Variants in CTSZ observed in about 807,000 individuals in gnomAD.
The protein encoded by CTSZ is cathepsin Z.
Under a neutral mutation model 32.4 loss-of-function variants are expected in CTSZ, and 39 were observed. That is an observed-to-expected ratio of 1.20 (90% confidence interval 0.93 to 1.57). The LOEUF is 1.57. Ranked by LOEUF, CTSZ falls within the 40% of genes most tolerant of loss-of-function variation. CTSZ has a pLI of 0.00. For missense variants in CTSZ, 397 were observed against 419.6 expected (o/e 0.95, Z 0.47); for synonymous variants, 168 against 170.1 (o/e 0.99, Z 0.10).
intron 5 of CTSZ, 40 bp from the exon 6 acceptor site, chr20:58,995,799 G>A (rs3787492): frequency 0.37 from 580,361 of 1,576,296 alleles, 109,933 homozygotes; most frequent in Non-Finnish European, 0.39. Context: ...ATCTGCAGCC[G>A]TCTCCCGCTC....
intron 1 of CTSZ, 59 bp from the exon 2 acceptor site, chr20:59,006,544 A>T (rs968302966): frequency 1.3e-6 from 2 of 1,544,702 alleles, no homozygotes; most frequent in African/African-American, 2.7e-5. Flanking sequence ...CCGTGGGCCC[A>T]GGAAGCCCTC....
chr20:58,999,155 C>T (rs919011434), intron 3 of CTSZ, among the ~76,000 whole-genome samples: 3 of 152,088 alleles, frequency 2.0e-5, no homozygotes, highest in Admixed American at 1.3e-4. Flanking sequence ...CCTGCCTTAG[C>T]CTCCTGAGTA....
chr20:59,006,243 G>A, intron 2 of CTSZ, 79 bp downstream of exon 2: 10 of 1,475,712 alleles, frequency 6.8e-6, no homozygotes, highest in Admixed American at 2.2e-5. Context: ...CCCTGGAACC[G>A]CGGGCTGAGC....
intron 3 of CTSZ, 54 bp downstream of exon 3, chr20:59,001,411 G>A: frequency 3.9e-6 from 6 of 1,550,266 alleles, no homozygotes; most frequent in Middle Eastern, 1.8e-4. Context: ...GAAGGCCTGT[G>A]GAAGAGGGAG....
intron 3 of CTSZ, among the ~76,000 whole-genome samples, chr20:58,998,502 C>T (rs528588245): frequency 6.0e-5 from 9 of 150,266 alleles, no homozygotes; most frequent in South Asian, 4.2e-4. Context: ...GCCAGGATCG[C>T]GCCATTGCAC....
intron 5 of CTSZ, among the ~76,000 whole-genome samples, chr20:58,996,186 C>G (rs1389101936): frequency 6.6e-6 from 1 of 152,194 alleles, no homozygotes; most frequent in South Asian, 2.1e-4. Flanking sequence ...TAATTTCTCT[C>G]TCCTGGATTT....
chr20:58,996,047 T>C (rs1173649667), intron 5 of CTSZ, among the ~76,000 whole-genome samples: 1 of 152,230 alleles, frequency 6.6e-6, no homozygotes, highest in Non-Finnish European at 1.5e-5. Flanking sequence ...CAGCTACTAC[T>C]ACCCCCATTA....
At chr20:58,999,629 G>A (rs1021734052) in intron 3 of CTSZ, among the ~76,000 whole-genome samples, 4 of 152,256 alleles carry the variant, frequency 2.6e-5, no homozygotes, top group Non-Finnish European at 5.9e-5. Context: ...GGTGCCCAGA[G>A]GACCTTCTGC....
At chr20:59,001,311 G>A (rs565382859) in intron 3 of CTSZ, among the ~76,000 whole-genome samples, 154 bp downstream of exon 3, 6 of 152,206 alleles carry the variant, frequency 3.9e-5, no homozygotes, top group East Asian at 1.9e-4. Flanking sequence ...GAGCACCAGC[G>A]CCCCTGGGGG....
chr20:58,996,184 C>A (rs894712773), intron 5 of CTSZ, among the ~76,000 whole-genome samples: 1 of 152,206 alleles, frequency 6.6e-6, no homozygotes, highest in Non-Finnish European at 1.5e-5. Flanking sequence ...GTTAATTTCT[C>A]TCTCCTGGAT....
chr20:58,997,517 T>C (rs2091866716), intron 4 of CTSZ, 86 bp downstream of exon 4: 2 of 1,343,474 alleles, frequency 1.5e-6, no homozygotes, highest in African/African-American at 1.5e-5. Context: ...TCACCGCGGA[T>C]CTCTCCTCAC....
rs534393348 is a variant in CTSZ at position 59,000,023 on chromosome 20, C to G, written c.487+1442G>C. Among the ~76,000 whole-genome samples the G allele has an allele frequency of 3.4e-5, 5 of 148,132 alleles. No individual in the cohort carries two copies. The South Asian group carries it at 8.6e-4, about 25-fold the overall frequency. Reference sequence around the variant, plus strand: ...GGCGGAGCTTGCAGTGAGCCGAGATCGCGCCACTGCAGTCCTGCCTGGGCG... The same window carrying G: ...GGCGGAGCTTGCAGTGAGCCGAGATGGCGCCACTGCAGTCCTGCCTGGGCG... On this transcript the variant is annotated intron_variant, in intron 3 of 5. Coordinates refer to ENST00000217131, the MANE Select transcript of CTSZ (RefSeq NM_001336.4).
chr20:59,004,145 C>T lies in CTSZ; in HGVS notation c.307+2177G>A, dbSNP rs1028949922. On this transcript the variant is annotated intron_variant, in intron 2 of 5. Coordinates refer to ENST00000217131, the MANE Select transcript of CTSZ (RefSeq NM_001336.4). This position sits in a 1 kb window ranked among gnomAD's most constrained non-coding sequence, Gnocchi z 5.6. ...TAGCCGGAAGGACAGCCAGGGAGGA[C>T]TGGGGAAGAAATGGGCTGTCAGGTG... is the stretch of plus-strand genomic sequence containing the variant. 2.0e-5 allele frequency among the ~76,000 whole-genome samples: 3 copies of T among 152,176 alleles called. No homozygotes were observed. The highest frequency in any genetic ancestry group is 7.2e-5 in the African/African-American group (3 of 41,422).
chr20:59,006,423 C>A lies in CTSZ; in HGVS notation c.206G>T (p.Arg69Leu), dbSNP rs1056135344. 1.2e-6 allele frequency: 2 copies of A among 1,614,046 alleles called. No individual in the cohort carries two copies. The highest frequency in any genetic ancestry group is 1.7e-6 in the Non-Finnish European group (2 of 1,180,034). Reference protein sequence around the residue: ...PADLPKSWDWRNVDGVNYASI... With the variant: ...PADLPKSWDWLNVDGVNYASI... ...GGCATAGTTGACACCATCCACATTGCGCCAGTCCCAGCTCTTGGGCAGATC... is the reference window on the plus strand; with the variant it reads ...GGCATAGTTGACACCATCCACATTGAGCCAGTCCCAGCTCTTGGGCAGATC... The change falls in exon 2 of 6, where the codon CGC (arginine) becomes CTC (leucine). Residue 69 changes from arginine (R) to leucine (L), a missense_variant. Arg to Leu is a moderately radical substitution (Grantham distance 102, BLOSUM62 -2). Coordinates refer to ENST00000217131, the MANE Select transcript of CTSZ (RefSeq NM_001336.4).
At chr20:58,999,023 T>A (rs1406848984) in intron 3 of CTSZ, among the ~76,000 whole-genome samples, 1 of 152,114 alleles carries the variant, frequency 6.6e-6, no homozygotes, top group Non-Finnish European at 1.5e-5. Context: ...GCAATCAGGT[T>A]TTTTTATTCT....
In CTSZ at chr20:59,001,518, T is replaced by C; in HGVS notation, c.434A>G (p.His145Arg). The C allele has an allele frequency of 6.2e-7, 1 of 1,614,056 alleles. No individual in the cohort carries two copies. Among genetic ancestry groups the C allele is most frequent in the Non-Finnish European group, 8.5e-7 (1 of 1,179,922 alleles). The change falls in exon 3 of 6, where the codon CAC becomes CGC. Residue 145 changes from histidine (H) to arginine (R), a missense_variant. His to Arg is a conservative substitution (Grantham distance 29). Coordinates refer to ENST00000217131, the MANE Select transcript of CTSZ (RefSeq NM_001336.4). ...GGTCTCGTCAGGGATGCCGTGCTGG[T>C]GGGCGTAGTCCCACACGGACAGGTC... ...GNDLSVWDYA[H>R]QHGIPDETCN...
chr20:58,997,534 G>A, intron 4 of CTSZ, 69 bp downstream of exon 4: 4 of 1,436,878 alleles, frequency 2.8e-6, no homozygotes, highest in South Asian at 3.1e-5. Flanking sequence ...TCACCCGCGG[G>A]ACCTTTCCTC....
At chr20:59,001,163 CT>C (rs2091887319) in intron 3 of CTSZ, among the ~76,000 whole-genome samples, 1 of 152,218 alleles carries the variant, frequency 6.6e-6, no homozygotes. Context: ...CTGCAGCAGG[CT>C]TTTTCGTTGG....
At position 59,007,016 on chromosome 20, in the gene CTSZ, C is replaced by T. The variant is rs995592260; in HGVS notation, c.113G>A (p.Arg38Gln). 18 of 1,472,526 alleles carry T rather than the reference C, an allele frequency of 1.2e-5. No homozygotes were observed. Among genetic ancestry groups the T allele is most frequent in the Non-Finnish European group, 1.6e-5 (18 of 1,119,228 alleles). 91.2% of individuals were successfully genotyped at this position (1,472,526 alleles called of 1,614,324 possible). ...RRGQTCYRPL[R>Q]GDGLAPLGRS... ...CCCCAGCGGAGCCAGCCCGTCCCCC[C>T]GCAGAGGCCGGTAGCAGGTCTGTCC... is the stretch of plus-strand genomic sequence containing the variant. Residue 38 changes from arginine (R) to glutamine (Q), a missense_variant, in exon 1 of 6, where the codon CGG (arginine) becomes CAG (glutamine). Arg to Gln is a conservative substitution (Grantham distance 43). Transcript: ENST00000217131.
Sources: allele counts gnomAD v4.1 joint callset (sites outside exome capture counted in the v4.1 genomes callset), GRCh38; gene constraint gnomAD v4.1.1; non-coding constraint Gnocchi (gnomAD v3.1); transcripts MANE v1.5; gene names NCBI Gene and HGNC (gene_info 2026-07-23, HGNC 2026-07-21).